Variants in AHCYL2 observed in about 807,000 individuals in gnomAD.
The protein encoded by AHCYL2 is S-adenosylhomocysteine hydrolase-like protein 2.
A neutral mutation model predicts 81.4 loss-of-function variants in AHCYL2; 28 were observed. The ratio of observed to expected loss-of-function variants is 0.34; its 90% CI spans 0.25 to 0.47. AHCYL2 has a LOEUF of 0.47. Ranked by LOEUF, AHCYL2 falls within the 20% of genes least tolerant of loss-of-function variation. The probability of loss-of-function intolerance (pLI) is 1.00; values close to 1 mark genes in which losing one functional copy is unlikely to be tolerated. For missense variants in AHCYL2, 551 were observed against 785.1 expected (o/e 0.70, Z 3.56); for synonymous variants, 272 against 290.2 (o/e 0.94, Z 0.64).
In AHCYL2 at chr7:129,412,750, TTC is replaced by T. The variant is rs1427658659; in HGVS notation, c.1367-843_1367-842del. Among the ~76,000 whole-genome samples the T allele has an allele frequency of 1.9e-4, 29 of 152,356 alleles. No homozygotes were observed. In the East Asian group the frequency reaches 5.4e-3, roughly 28 times the overall value. On this transcript the variant is annotated intron_variant, in intron 11 of 16. Coordinates refer to ENST00000325006, the MANE Select transcript of AHCYL2 (RefSeq NM_015328.4). The stretch of plus-strand genomic sequence containing the variant: ...CCTCATTGTGGTTTTGATTTCCATT[TTC>T]CCTGATGACTAATGATGATGAGCAT...
At chr7:129,347,840 G>A (rs1219900240) in intron 1 of AHCYL2, among the ~76,000 whole-genome samples, 3 of 152,100 alleles carry the variant, frequency 2.0e-5, no homozygotes, top group African/African-American at 7.2e-5. Flanking sequence ...CCTTTCAGTT[G>A]TATCCCTTAC....
At chr7:129,350,174 C>T (rs1016317806) in intron 1 of AHCYL2, among the ~76,000 whole-genome samples, 57 of 152,116 alleles carry the variant, frequency 3.7e-4, no homozygotes, top group African/African-American at 1.3e-3. Context: ...TCAGATAAAG[C>T]ATGCAGAGGT....
chr7:129,238,923 G>T (rs1167151730), intron 1 of AHCYL2, among the ~76,000 whole-genome samples: 1 of 152,168 alleles, frequency 6.6e-6, no homozygotes, highest in Non-Finnish European at 1.5e-5. Context: ...CTGCACTCCA[G>T]CCTGAGCAAC....
chr7:129,289,122 C>T lies in AHCYL2; in HGVS notation c.363+63683C>T, dbSNP rs141140439. On this transcript the variant is annotated intron_variant, in intron 1 of 16. Coordinates refer to ENST00000325006, the MANE Select transcript of AHCYL2 (RefSeq NM_015328.4). ...TTTACTTTTTTGAGTCAGGGTCTTG[C>T]TGTGTCACCCAGGCTGGAGTGCAGT... 7.8e-3 allele frequency among the ~76,000 whole-genome samples: 1,152 copies of T among 148,176 alleles called. 15 individuals carry two copies. Among genetic ancestry groups the T allele is most frequent in the African/African-American group, 0.027 (1,075 of 40,010 alleles).
rs184185024 is a variant in AHCYL2, at chr7:129,427,079, T to C, written c.*34T>C. 2.1e-5 allele frequency: 33 copies of C among 1,587,866 alleles called. No homozygotes were observed. The highest frequency in any genetic ancestry group is 1.7e-4 in the Middle Eastern group (1 of 6,008). The stretch of plus-strand genomic sequence containing the variant: ...AACTCAAACCAGAATTTTTAAGGAA[T>C]AGAACTCCAAGCCTTTTCTCCACTA... On this transcript the variant is annotated 3_prime_UTR_variant, in exon 17 of 17. Coordinates refer to ENST00000325006, the MANE Select transcript of AHCYL2 (RefSeq NM_015328.4). The surrounding 1 kb of genome is among the most constrained non-coding windows in gnomAD (Gnocchi z 5.5).
At chr7:129,277,897 T>C (rs1014582189) in intron 1 of AHCYL2, among the ~76,000 whole-genome samples, 2 of 152,254 alleles carry the variant, frequency 1.3e-5, no homozygotes, top group East Asian at 3.8e-4. Flanking sequence ...AATGCTTCTG[T>C]GAACATTTAT....
intron 1 of AHCYL2, among the ~76,000 whole-genome samples, chr7:129,354,853 C>G (rs965681352): frequency 1.3e-5 from 2 of 152,192 alleles, no homozygotes; most frequent in Non-Finnish European, 2.9e-5. Context: ...ATAATTGGCT[C>G]ATGACCTTTA....
chr7:129,409,300 C>G (rs560809454), intron 10 of AHCYL2, among the ~76,000 whole-genome samples, 176 bp from the exon 11 acceptor site: 1 of 152,142 alleles, frequency 6.6e-6, no homozygotes, highest in Admixed American at 6.5e-5. Context: ...GTGATGCAAA[C>G]GAACCTTTTA....
chr7:129,330,144 C>T (rs1584790274), intron 1 of AHCYL2, among the ~76,000 whole-genome samples: 1 of 152,284 alleles, frequency 6.6e-6, no homozygotes, highest in East Asian at 1.9e-4. Context: ...GCTGGGACTA[C>T]AGGAATGCAC....
chr7:129,410,042 C>G (rs572813701), intron 11 of AHCYL2: 1 of 998,728 alleles, frequency 1.0e-6, no homozygotes, highest in South Asian at 1.7e-5. Flanking sequence ...ACTCAATTCT[C>G]TAAATCTGGT....
Position 129,406,569 on chromosome 7 carries a change from G to A in AHCYL2, c.1295+103G>A. On this transcript the variant is annotated intron_variant, in intron 10 of 16. Coordinates refer to ENST00000325006, the MANE Select transcript of AHCYL2 (RefSeq NM_015328.4). The surrounding 1 kb of genome is among the most constrained non-coding windows in gnomAD (Gnocchi z 4.3). ...TTTTAGAGGAGCCCAGATCCTCAGA[G>A]ATGCTGCCACTAACTCTAAGCATCT... 9.3e-7 allele frequency: 1 copy of A among 1,077,644 alleles called. No homozygotes were observed. The highest frequency in any genetic ancestry group is 1.4e-6 in the Non-Finnish European group (1 of 700,258). The allele number at this position is 1,077,644 out of a possible 1,614,324, so 66.8% of individuals were successfully genotyped here.
At chr7:129,325,159 T>C (rs1424640821) in intron 1 of AHCYL2, among the ~76,000 whole-genome samples, 1 of 126,726 alleles carries the variant, frequency 7.9e-6, no homozygotes, top group Non-Finnish European at 1.7e-5. Context: ...TGTGGTATAA[T>C]TTTCCTTGTG....
intron 7 of AHCYL2, among the ~76,000 whole-genome samples, chr7:129,404,036 G>A (rs1796178947): frequency 6.6e-6 from 1 of 151,518 alleles, no homozygotes; most frequent in East Asian, 1.9e-4. Context: ...GAAGGGGGCA[G>A]GTGGGAGAAC....
At position 129,327,150 on chromosome 7, in the gene AHCYL2, G is replaced by A. The variant is rs200346509; in HGVS notation, c.364-52488G>A. On this transcript the variant is annotated intron_variant, in intron 1 of 16. Coordinates refer to ENST00000325006, the MANE Select transcript of AHCYL2 (RefSeq NM_015328.4). ...ATTCCCAGTGTGATGGTATTAGGAG[G>A]TGGGGCCTTTGGGAGGTAGTTAGGT... 7.2e-4 allele frequency among the ~76,000 whole-genome samples: 110 copies of A among 152,288 alleles called. No individual in the cohort carries two copies. In the East Asian group the frequency reaches 7.7e-3, roughly 11 times the overall value.
At chr7:129,397,170 G>A in intron 4 of AHCYL2, 52 bp from the exon 5 acceptor site, 2 of 1,419,860 alleles carry the variant, frequency 1.4e-6, no homozygotes. Context: ...TTATCTCCTT[G>A]ACTAGTTGTT....
intron 1 of AHCYL2, among the ~76,000 whole-genome samples, chr7:129,290,543 A>G (rs2150750173): frequency 6.6e-6 from 1 of 151,874 alleles, no homozygotes; most frequent in East Asian, 2.0e-4. Context: ...CAGAGGAGCA[A>G]AGTCCAGTAT....
At chr7:129,337,644 C>T (rs1798650247) in intron 1 of AHCYL2, among the ~76,000 whole-genome samples, 2 of 152,178 alleles carry the variant, frequency 1.3e-5, no homozygotes, top group African/African-American at 4.8e-5. Flanking sequence ...GGTGATCCAC[C>T]TGCCTCAACT....
At chr7:129,327,031 C>T (rs149123752) in intron 1 of AHCYL2, among the ~76,000 whole-genome samples, 137 of 152,296 alleles carry the variant, frequency 9.0e-4, no homozygotes, top group African/African-American at 3.2e-3. Flanking sequence ...CGATTCTTTA[C>T]TATTTCTCGA....
chr7:129,246,192 G>C (rs1795049964), intron 1 of AHCYL2, among the ~76,000 whole-genome samples: 3 of 151,994 alleles, frequency 2.0e-5, no homozygotes, highest in Non-Finnish European at 2.9e-5. Context: ...CCGAGTAGCT[G>C]GGATTACAGG....
Sources: allele counts gnomAD v4.1 joint callset (sites outside exome capture counted in the v4.1 genomes callset), GRCh38; gene constraint gnomAD v4.1.1; non-coding constraint Gnocchi (gnomAD v3.1); transcripts MANE v1.5; gene names NCBI Gene and HGNC (gene_info 2026-07-23, HGNC 2026-07-21).